Variants in DZANK1 observed in about 807,000 individuals in gnomAD.
DZANK1 encodes double zinc ribbon and ankyrin repeat domains 1.
In DZANK1, 91 loss-of-function variants were observed where a neutral mutation model predicts 94.5. The ratio of observed to expected loss-of-function variants is 0.96; its 90% CI spans 0.81 to 1.15. The LOEUF (loss-of-function observed/expected upper bound fraction) is 1.15. DZANK1 is among the 50% of genes most tolerant of loss of function. The probability of loss-of-function intolerance (pLI) is 0.00; values close to 1 mark genes in which losing one functional copy is unlikely to be tolerated. For missense variants in DZANK1, 903 were observed against 916.4 expected (o/e 0.99, Z 0.19); for synonymous variants, 312 against 325.3 (o/e 0.96, Z 0.44).
In DZANK1 at chr20:18,434,656, A is replaced by G. The variant is rs16979153; in HGVS notation, c.748-891T>C. 2.4e-3 allele frequency among the ~76,000 whole-genome samples: 362 copies of G among 152,310 alleles called. 5 individuals are homozygous for G. The highest frequency in any genetic ancestry group is 0.02 in the Admixed American group (304 of 15,302). ...AGGCAGATAACAAACAGAAGTTCCT[A>G]AAAATGACTGAACTGCAGAAAAGAA... On this transcript the variant is annotated intron_variant, in intron 8 of 20. Coordinates refer to ENST00000262547, the Ensembl canonical transcript of DZANK1.
At chr20:18,436,667 A>C (rs75139024) in intron 8 of DZANK1, among the ~76,000 whole-genome samples, 3,496 of 152,256 alleles carry the variant, frequency 0.023, 146 homozygotes, top group African/African-American at 0.081. Context: ...AATGGAAGAA[A>C]CAATGGCCAA....
chr20:18,402,884 T>C (rs1317970217), intron 13 of DZANK1, among the ~76,000 whole-genome samples: 1 of 152,200 alleles, frequency 6.6e-6, no homozygotes. Context: ...TAGAGCCATC[T>C]AGAAATGGTT....
rs115951432 is a variant in DZANK1, at chr20:18,420,908, G to A, written c.955-5459C>T. 722 of 154,198 alleles carry A rather than the reference G, an allele frequency of 4.7e-3. 8 individuals are homozygous for A. Among genetic ancestry groups the A allele is most frequent in the African/African-American group, 0.017 (692 of 41,628 alleles). The allele number at this position is 154,198 out of a possible 1,614,324, so 9.6% of individuals were successfully genotyped here. ...AAGGCATAAACCAGACTCTCCAACTGACAGGCCACAAAGATGTTACTGAAA... is the reference window on the plus strand; with the variant it reads ...AAGGCATAAACCAGACTCTCCAACTAACAGGCCACAAAGATGTTACTGAAA... On this transcript the variant is annotated intron_variant, in intron 10 of 20. Transcript: ENST00000262547.
At chr20:18,420,164 T>C (rs2057709031) in intron 10 of DZANK1, 1 of 199,010 alleles carries the variant, frequency 5.0e-6, no homozygotes, top group Non-Finnish European at 1.1e-5. Flanking sequence ...TAATGGTCAG[T>C]GTTTTAAAGT....
chr20:18,415,202 G>T, intron 11 of DZANK1, 125 bp downstream of exon 11: 1 of 986,154 alleles, frequency 1.0e-6, no homozygotes, highest in Non-Finnish European at 1.4e-6. Flanking sequence ...AGATTCTTAG[G>T]TTATAGGTAC....
At chr20:18,413,203 T>G in intron 12 of DZANK1, 1 of 280,292 alleles carries the variant, frequency 3.6e-6, no homozygotes, top group Non-Finnish European at 6.7e-6. Flanking sequence ...ACATTTTCTC[T>G]AACATACTTT....
intron 4 of DZANK1, chr20:18,454,256 A>G (rs1468752413): frequency 2.9e-6 from 1 of 349,244 alleles, no homozygotes; most frequent in Non-Finnish European, 5.6e-6. Context: ...TTGGTCCCTC[A>G]CACCTGATTC....
intron 10 of DZANK1, among the ~76,000 whole-genome samples, chr20:18,426,342 C>T (rs1002633718): frequency 2.0e-5 from 3 of 152,110 alleles, no homozygotes; most frequent in African/African-American, 7.2e-5. Flanking sequence ...AAAACTGGTC[C>T]CTGGTGCCAA....
chr20:18,438,582 T>C (rs780994147), intron 8 of DZANK1, among the ~76,000 whole-genome samples: 4 of 152,204 alleles, frequency 2.6e-5, no homozygotes, highest in African/African-American at 9.7e-5. Flanking sequence ...AATATTAGCA[T>C]AGACAAAGAG....
At chr20:18,435,586 G>A (rs776611947) in intron 8 of DZANK1, among the ~76,000 whole-genome samples, 5 of 151,996 alleles carry the variant, frequency 3.3e-5, no homozygotes, top group Non-Finnish European at 5.9e-5. Context: ...CACACACCGG[G>A]GTCTGTCGGG....
At chr20:18,396,486 G>T in exon 15 of DZANK1, 1 of 1,612,862 alleles carries the variant, frequency 6.2e-7, no homozygotes, top group South Asian at 1.1e-5. Flanking sequence ...TTTGAGACTT[G>T]ACTATAATTC....
chr20:18,439,135 G>A (rs1364049336), intron 8 of DZANK1, among the ~76,000 whole-genome samples: 1 of 152,228 alleles, frequency 6.6e-6, no homozygotes, highest in Non-Finnish European at 1.5e-5. Context: ...GGGGACCACA[G>A]TGGTGTTCTG....
chr20:18,425,380 G>GT (rs1334887824), intron 10 of DZANK1, among the ~76,000 whole-genome samples: 1 of 152,004 alleles, frequency 6.6e-6, no homozygotes, highest in Non-Finnish European at 1.5e-5. Context: ...GTGAAACCCC[G>GT]TTTCTACTAA....
chr20:18,454,524 G>T, intron 4 of DZANK1: 1 of 159,408 alleles, frequency 6.3e-6, no homozygotes, highest in Non-Finnish European at 1.4e-5. Flanking sequence ...CTAACTCCTT[G>T]AATCTTTCTT....
exon 3 of DZANK1, chr20:18,460,183 T>C: frequency 6.4e-7 from 1 of 1,564,248 alleles, no homozygotes; most frequent in Non-Finnish European, 8.7e-7. Flanking sequence ...AACTTGTATT[T>C]TTCCATCAGG....
At chr20:18,460,571 T>C (rs1329669225) in intron 2 of DZANK1, among the ~76,000 whole-genome samples, 1 of 151,952 alleles carries the variant, frequency 6.6e-6, no homozygotes, top group Non-Finnish European at 1.5e-5. Flanking sequence ...CTACTAAAAA[T>C]ACAAAAAATT....
chr20:18,387,410 C>G (rs1046189980), intron 19 of DZANK1, among the ~76,000 whole-genome samples: 7 of 152,162 alleles, frequency 4.6e-5, no homozygotes, highest in African/African-American at 1.7e-4. Context: ...ACTATTTACT[C>G]AAATCTAAGT....
intron 13 of DZANK1, among the ~76,000 whole-genome samples, chr20:18,399,100 T>C (rs891788004): frequency 1.4e-5 from 2 of 141,586 alleles, no homozygotes; most frequent in East Asian, 4.2e-4. Flanking sequence ...CACTCCAGCC[T>C]GGGCAACAGA....
intron 10 of DZANK1, among the ~76,000 whole-genome samples, chr20:18,419,059 T>C (rs2057636937): frequency 6.6e-6 from 1 of 152,020 alleles, no homozygotes; most frequent in Non-Finnish European, 1.5e-5. Flanking sequence ...GTCAGGAGTA[T>C]GAAACCAGCC....
Sources: allele counts gnomAD v4.1 joint callset (sites outside exome capture counted in the v4.1 genomes callset), GRCh38; gene constraint gnomAD v4.1.1; transcripts MANE v1.5; gene names NCBI Gene and HGNC (gene_info 2026-07-23, HGNC 2026-07-21).